Variants in DTNB observed in about 807,000 individuals in gnomAD.
DTNB encodes DTN-B.
A neutral mutation model predicts 90.7 loss-of-function variants in DTNB; 63 were observed. The ratio of observed to expected loss-of-function variants is 0.69; its 90% confidence interval spans 0.57 to 0.86. The LOEUF (loss-of-function observed/expected upper bound fraction) is 0.86. Ranked by LOEUF, DTNB falls within the 40% of genes least tolerant of loss-of-function variation. The pLI is 0.00. For synonymous variants in DTNB, 277 were observed against 286.7 expected, an observed-to-expected ratio of 0.97 and a Z score of 0.34; for missense variants, 744 against 807.1, an observed-to-expected ratio of 0.92 and a Z score of 0.95.
At chr2:25,646,013 C>A (rs1296009421) in intron 2 of DTNB, among the ~76,000 whole-genome samples, 2 of 151,944 alleles carry the variant, frequency 1.3e-5, no homozygotes, top group Non-Finnish European at 2.9e-5. Flanking sequence ...AAATGTAAAC[C>A]AAAAATAACT....
chr2:25,545,620 T>C (rs1374849126), intron 8 of DTNB, among the ~76,000 whole-genome samples: 1 of 152,184 alleles, frequency 6.6e-6, no homozygotes, highest in Non-Finnish European at 1.5e-5. Context: ...ATGCTGCTAC[T>C]GGGCCTGAGG....
In DTNB at chr2:25,564,058, C is replaced by T. The variant is rs561717711; in HGVS notation, c.876+12780G>A. Among the ~76,000 whole-genome samples, 13 of 152,134 alleles carry T rather than the reference C, an allele frequency of 8.5e-5. No individual in the cohort carries two copies. In the South Asian group the frequency reaches 1.9e-3, roughly 22 times the overall value. ...CTGGGACTACAGGCACCTGCTACCA[C>T]GCCCGGCTAATTTTTTGTATTTTTA... is the stretch of plus-strand genomic sequence containing the variant. On this transcript the variant is annotated intron_variant, in intron 8 of 20. Coordinates refer to ENST00000406818, the MANE Select transcript of DTNB (RefSeq NM_021907.5).
chr2:25,437,226 T>C (rs940844378), intron 12 of DTNB, among the ~76,000 whole-genome samples: 7 of 152,054 alleles, frequency 4.6e-5, no homozygotes, highest in African/African-American at 1.7e-4. Flanking sequence ...CAGTCAAGTA[T>C]ACATCAAATA....
intron 9 of DTNB, among the ~76,000 whole-genome samples, chr2:25,495,581 C>T (rs1272135281): frequency 6.6e-6 from 1 of 152,106 alleles, no homozygotes; most frequent in African/African-American, 2.4e-5. Flanking sequence ...TCTAAAAGCC[C>T]TTTCATTGCA....
intron 19 of DTNB, among the ~76,000 whole-genome samples, chr2:25,380,890 CAG>C (rs1316792114): frequency 1.3e-5 from 2 of 151,798 alleles, no homozygotes; most frequent in African/African-American, 4.8e-5. Context: ...AGTGCAGGTG[CAG>C]AGACAGCACC....
chr2:25,499,815 ACAC>A (rs1280555279), intron 9 of DTNB, among the ~76,000 whole-genome samples: 1 of 152,244 alleles, frequency 6.6e-6, no homozygotes, highest in Non-Finnish European at 1.5e-5. Context: ...CAATTGGAAC[ACAC>A]TGGTTGCTCA....
chr2:25,478,750 T>C (rs750823418), intron 10 of DTNB, among the ~76,000 whole-genome samples: 12 of 152,158 alleles, frequency 7.9e-5, no homozygotes, highest in Non-Finnish European at 1.5e-4. Flanking sequence ...GCATGGTCCC[T>C]CACATACACA....
intron 12 of DTNB, among the ~76,000 whole-genome samples, chr2:25,435,192 T>G (rs900479328): frequency 4.6e-5 from 7 of 152,188 alleles, no homozygotes; most frequent in African/African-American, 1.7e-4. Context: ...GCTCATTGTT[T>G]GTATTTTTAG....
chr2:25,517,943 C>T (rs1266607175), intron 9 of DTNB, among the ~76,000 whole-genome samples: 1 of 152,126 alleles, frequency 6.6e-6, no homozygotes, highest in African/African-American at 2.4e-5. Flanking sequence ...GGGCATTATA[C>T]TAAGTGAAAT....
intron 16 of DTNB, among the ~76,000 whole-genome samples, chr2:25,403,954 C>A (rs1047650784): frequency 6.6e-6 from 1 of 152,144 alleles, no homozygotes. Context: ...GTTTGGATTC[C>A]AGCTGCCATT....
At chr2:25,394,870 C>T (rs190133347) in intron 16 of DTNB, among the ~76,000 whole-genome samples, 140 of 152,320 alleles carry the variant, frequency 9.2e-4, no homozygotes, top group Admixed American at 3.5e-3. Flanking sequence ...ATCCAGCAAT[C>T]CCATTACTAG....
intron 6 of DTNB, among the ~76,000 whole-genome samples, chr2:25,584,719 G>A (rs1420430805): frequency 9.9e-5 from 15 of 152,044 alleles, no homozygotes; most frequent in Non-Finnish European, 1.5e-5. Context: ...ACCATGGCCA[G>A]CTAATTTTTG....
intron 8 of DTNB, among the ~76,000 whole-genome samples, chr2:25,539,169 G>T (rs1156298831): frequency 6.6e-6 from 1 of 152,054 alleles, no homozygotes; most frequent in African/African-American, 2.4e-5. Context: ...AACATTTGGG[G>T]TGTTTCCATG....
intron 8 of DTNB, among the ~76,000 whole-genome samples, chr2:25,557,382 T>C (rs1283068379): frequency 1.3e-5 from 2 of 152,128 alleles, no homozygotes; most frequent in Non-Finnish European, 2.9e-5. Context: ...ATTGTATCGC[T>C]ACACCGGACA....
At chr2:25,575,171 C>A (rs1291753016) in intron 8 of DTNB, among the ~76,000 whole-genome samples, 1 of 151,408 alleles carries the variant, frequency 6.6e-6, no homozygotes, top group Non-Finnish European at 1.5e-5. Flanking sequence ...TACCAGCAAA[C>A]TCAGTCATCA....
At chr2:25,495,777 A>T (rs1351896204) in intron 9 of DTNB, among the ~76,000 whole-genome samples, 1 of 152,226 alleles carries the variant, frequency 6.6e-6, no homozygotes, top group Non-Finnish European at 1.5e-5. Flanking sequence ...TTAAAAAAAT[A>T]AGCATCTGGT....
chr2:25,575,229 T>TACAC (rs1193483154), intron 8 of DTNB, among the ~76,000 whole-genome samples: 3 of 147,898 alleles, frequency 2.0e-5, no homozygotes, highest in Admixed American at 6.8e-5. Flanking sequence ...AATTAGACTC[T>TACAC]ACACACACAC....
At chr2:25,558,384 C>G (rs1479504655) in intron 8 of DTNB, 1 of 985,252 alleles carries the variant, frequency 1.0e-6, no homozygotes, top group Non-Finnish European at 1.2e-6. Context: ...AAGATGCACT[C>G]TCCAGTGCAG....
chr2:25,437,777 C>T (rs999460133), intron 12 of DTNB, among the ~76,000 whole-genome samples: 1 of 152,206 alleles, frequency 6.6e-6, no homozygotes, highest in African/African-American at 2.4e-5. Flanking sequence ...AAGTAGTTCA[C>T]ACATTTATTC....
Sources: allele counts gnomAD v4.1 joint callset (sites outside exome capture counted in the v4.1 genomes callset), GRCh38; gene constraint gnomAD v4.1.1; transcripts MANE v1.5; gene names NCBI Gene and HGNC (gene_info 2026-07-23, HGNC 2026-07-21).